KCNQ1: variants seen among roughly 807,000 people sequenced by gnomAD.
KCNQ1 encodes potassium voltage-gated channel subfamily KQT member 1.
KCNQ1 carries 49 observed loss-of-function variants against 72.4 expected under a neutral mutation model. The observed-to-expected ratio is 0.68, with a 90% CI of 0.54 to 0.86. KCNQ1 has a LOEUF of 0.86. Among genes scored for constraint, KCNQ1 ranks in the 40% least tolerant of loss-of-function variants. The pLI, the probability that KCNQ1 is intolerant of heterozygous loss-of-function variation, is 0.00. For missense variants in KCNQ1, 790 were observed against 945.1 expected, an observed-to-expected ratio of 0.84 and a Z score of 2.15; for synonymous variants, 450 against 412.6, an observed-to-expected ratio of 1.09 and a Z score of -1.10.
chr11:2,533,628 C>A (rs1326750094), intron 2 of KCNQ1, among the ~76,000 whole-genome samples: 1 of 152,240 alleles, frequency 6.6e-6, no homozygotes, highest in African/African-American at 2.4e-5. Context: ...TGTGTGTGTG[C>A]ACACGTGTGT....
intron 10 of KCNQ1, among the ~76,000 whole-genome samples, chr11:2,604,992 GGTT>G (rs1262427687): frequency 1.3e-5 from 2 of 152,310 alleles, no homozygotes; most frequent in East Asian, 3.9e-4. Flanking sequence ...CCATCTTAGT[GGTT>G]GTTAAGCAGT....
At position 2,627,131 on chromosome 11, in the gene KCNQ1, C is replaced by G; in HGVS notation, c.1394-34830C>G. ...TGTAATTTTCATTGTACAAGACTTT[C>G]ACCTCCTTGGTAAAGTTGGTTCCTA... On this transcript the variant is annotated intron_variant, in intron 10 of 15. Coordinates refer to ENST00000155840, the MANE Select transcript of KCNQ1 (RefSeq NM_000218.3). This position sits in a 1 kb window ranked among gnomAD's most constrained non-coding sequence, Gnocchi z 4.9. 1 of 398,474 alleles carries G rather than the reference C, an allele frequency of 2.5e-6. No individual in the cohort carries two copies. Among genetic ancestry groups the G allele is most frequent in the Non-Finnish European group, 4.4e-6 (1 of 226,032 alleles). The allele number at this position is 398,474 out of a possible 1,614,324, so 24.7% of individuals were successfully genotyped here. A position where few individuals can be genotyped will look rare whatever the true frequency, so the allele number is the denominator to read the frequency against.
intron 15 of KCNQ1, among the ~76,000 whole-genome samples, chr11:2,794,106 G>T (rs978666411): frequency 6.6e-6 from 1 of 152,228 alleles, no homozygotes; most frequent in African/African-American, 2.4e-5. Context: ...GGATCCAGGG[G>T]TGGCTCCGGC....
chr11:2,582,453 G>A (rs1222454081), intron 6 of KCNQ1, among the ~76,000 whole-genome samples: 1 of 152,244 alleles, frequency 6.6e-6, no homozygotes, highest in Non-Finnish European at 1.5e-5. Context: ...GAATCCAGTG[G>A]GGGTCTCCAT....
In KCNQ1 at chr11:2,599,468, T is replaced by G. The variant is rs1246961104; in HGVS notation, c.1393+10614T>G. Among the ~76,000 whole-genome samples the G allele has an allele frequency of 6.6e-6, 1 of 152,246 alleles. No homozygotes were observed. Among genetic ancestry groups the G allele is most frequent in the Admixed American group, 6.5e-5 (1 of 15,282 alleles). On this transcript the variant is annotated intron_variant, in intron 10 of 15. Coordinates refer to ENST00000155840, the MANE Select transcript of KCNQ1 (RefSeq NM_000218.3). This position sits in a 1 kb window ranked among gnomAD's most constrained non-coding sequence, Gnocchi z 4.7. ...GTTCTCTATCGCTTAAAATTCATTTTGTTCAAGAACATAGGTTCTTGAACC... is the reference window on the plus strand; with the variant it reads ...GTTCTCTATCGCTTAAAATTCATTTGGTTCAAGAACATAGGTTCTTGAACC...
intron 11 of KCNQ1, among the ~76,000 whole-genome samples, chr11:2,737,330 C>A (rs1238710368): frequency 6.6e-6 from 1 of 152,182 alleles, no homozygotes; most frequent in Non-Finnish European, 1.5e-5. Context: ...CACTGCCCAG[C>A]CACCTCTCTG....
At chr11:2,802,313 G>T (rs1019478140) in intron 15 of KCNQ1, among the ~76,000 whole-genome samples, 1 of 152,194 alleles carries the variant, frequency 6.6e-6, no homozygotes, top group Admixed American at 6.5e-5. Context: ...CGGCCCTGTC[G>T]CCAGCCGGCA....
At position 2,478,780 on chromosome 11, in the gene KCNQ1, C is replaced by A. The variant is rs892357352; in HGVS notation, c.386+33296C>A. Among the ~76,000 whole-genome samples, 1 of 152,172 alleles carries A rather than the reference C, an allele frequency of 6.6e-6. No homozygotes were observed. The highest frequency in any genetic ancestry group is 2.4e-5 in the African/African-American group (1 of 41,446). The stretch of plus-strand genomic sequence containing the variant: ...TCCCAACGGTGCCCCAAAGTCTTAA[C>A]TCATTTCAGCATTAACTCAAAAATC... On this transcript the variant is annotated intron_variant, in intron 1 of 15. Coordinates refer to ENST00000155840, the MANE Select transcript of KCNQ1 (RefSeq NM_000218.3). The surrounding 1 kb of genome is among the most constrained non-coding windows in gnomAD (Gnocchi z 4.0).
At position 2,695,516 on chromosome 11, in the gene KCNQ1, A is replaced by G. The variant is rs1850658895; in HGVS notation, c.1514+33435A>G. Reference sequence around the variant, plus strand: ...CATCTAGTCCCCTGCTCCTAACCACAGTGACCAGCTCCAACTGCCCACCCC... The same window carrying G: ...CATCTAGTCCCCTGCTCCTAACCACGGTGACCAGCTCCAACTGCCCACCCC... On this transcript the variant is annotated intron_variant, in intron 11 of 15. Coordinates refer to ENST00000155840, the MANE Select transcript of KCNQ1 (RefSeq NM_000218.3). This position sits in a 1 kb window ranked among gnomAD's most constrained non-coding sequence, Gnocchi z 5.2. 2.5e-6 allele frequency: 1 copy of G among 398,502 alleles called. No homozygotes were observed. The highest frequency in any genetic ancestry group is 4.4e-6 in the Non-Finnish European group (1 of 226,112). 24.7% of individuals were successfully genotyped at this position (398,502 alleles called of 1,614,324 possible). A position where few individuals can be genotyped will look rare whatever the true frequency, so the allele number is the denominator to read the frequency against.
Position 2,563,934 on chromosome 11 carries a change from A to G in KCNQ1, c.478-6694A>G, listed in dbSNP as rs1398232568. ...GATTAAGAACTAAAGGCTCAAGGAC[A>G]GCTACAGATGACCACAGCTGGAGTG... is the stretch of plus-strand genomic sequence containing the variant. On this transcript the variant is annotated intron_variant, in intron 2 of 15. Coordinates refer to ENST00000155840, the MANE Select transcript of KCNQ1 (RefSeq NM_000218.3). The surrounding 1 kb of genome is among the most constrained non-coding windows in gnomAD (Gnocchi z 7.4). 6.6e-6 allele frequency among the ~76,000 whole-genome samples: 1 copy of G among 152,268 alleles called. No individual in the cohort carries two copies. The highest frequency in any genetic ancestry group is 6.5e-5 in the Admixed American group (1 of 15,288).
In KCNQ1 at chr11:2,623,046, G is replaced by C; in HGVS notation, c.1393+34192G>C. On this transcript the variant is annotated intron_variant, in intron 10 of 15. Coordinates refer to ENST00000155840, the MANE Select transcript of KCNQ1 (RefSeq NM_000218.3). This position sits in a 1 kb window ranked among gnomAD's most constrained non-coding sequence, Gnocchi z 5.2. ...TGTCAGGGGAGGGGCCTGGTGGGGGGCAAACTTCCCCCTTGCTGTTCTCAT... is the reference window on the plus strand; with the variant it reads ...TGTCAGGGGAGGGGCCTGGTGGGGGCCAAACTTCCCCCTTGCTGTTCTCAT... 2.5e-6 allele frequency: 1 copy of C among 398,632 alleles called. No homozygotes were observed. The highest frequency in any genetic ancestry group is 4.4e-6 in the Non-Finnish European group (1 of 226,126). The allele number at this position is 398,632 out of a possible 1,614,324, so 24.7% of individuals were successfully genotyped here.
In KCNQ1 at chr11:2,498,441, G is replaced by A. The variant is rs1284585624; in HGVS notation, c.387-29487G>A. ...GCCTCAGCTGCTTTGCTGTGCTTTG[G>A]TGAATTCTGCCCAGTCCAAGCCTCC... is the stretch of plus-strand genomic sequence containing the variant. On this transcript the variant is annotated intron_variant, in intron 1 of 15. Transcript: ENST00000155840. The surrounding 1 kb of genome is among the most constrained non-coding windows in gnomAD (Gnocchi z 4.8). 2.6e-5 allele frequency among the ~76,000 whole-genome samples: 4 copies of A among 152,200 alleles called. No individual in the cohort carries two copies. The highest frequency in any genetic ancestry group is 9.6e-5 in the African/African-American group (4 of 41,458).
rs1279921164 is a variant in KCNQ1, at chr11:2,486,394, T to A, written c.386+40910T>A. Among the ~76,000 whole-genome samples, 1 of 152,258 alleles carries A rather than the reference T, an allele frequency of 6.6e-6. No homozygotes were observed. ...AGAACTTCTCTATATATTCTGGATA[T>A]TAATCCCTTATCAGATATAGGATTT... On this transcript the variant is annotated intron_variant, in intron 1 of 15. Coordinates refer to ENST00000155840, the MANE Select transcript of KCNQ1 (RefSeq NM_000218.3). The surrounding 1 kb of genome is among the most constrained non-coding windows in gnomAD (Gnocchi z 5.0).
chr11:2,614,343 T>G, intron 10 of KCNQ1: 1 of 398,572 alleles, frequency 2.5e-6, no homozygotes, highest in Non-Finnish European at 4.4e-6. Flanking sequence ...TTTAGTCTTC[T>G]GTGCACCCTT....
intron 15 of KCNQ1, among the ~76,000 whole-genome samples, chr11:2,814,125 G>A (rs924813709): frequency 9.9e-5 from 15 of 151,210 alleles, no homozygotes; most frequent in Non-Finnish European, 1.8e-4. Context: ...ATAAAGGGAT[G>A]GGTGGATAAT....
At chr11:2,727,042 T>C (rs952291745) in intron 11 of KCNQ1, among the ~76,000 whole-genome samples, 1 of 152,228 alleles carries the variant, frequency 6.6e-6, no homozygotes, top group African/African-American at 2.4e-5. Context: ...TGGGGGTTTG[T>C]GCTATGCCCT....
intron 10 of KCNQ1, chr11:2,616,223 G>GT (rs138326980): frequency 0.02 from 7,566 of 384,840 alleles, 207 homozygotes; most frequent in East Asian, 0.11. Context: ...TCTTATTTTT[G>GT]TTTTTTTTTG....
chr11:2,518,909 C>G (rs1296459467), intron 1 of KCNQ1, among the ~76,000 whole-genome samples: 2 of 152,220 alleles, frequency 1.3e-5, no homozygotes, highest in African/African-American at 4.8e-5. Flanking sequence ...GGGGAGGCGT[C>G]CATTCACCCG....
At position 2,674,109 on chromosome 11, in the gene KCNQ1, G is replaced by A. The variant is rs1850242499; in HGVS notation, c.1514+12028G>A. On this transcript the variant is annotated intron_variant, in intron 11 of 15. Transcript: ENST00000155840. This position sits in a 1 kb window ranked among gnomAD's most constrained non-coding sequence, Gnocchi z 5.9. Reference sequence around the variant, plus strand: ...TCTCCCTGCCGGTGGGGAGGGAGGTGTGGAAGCTGGTTTGCCGGGGCCACC... The same window carrying A: ...TCTCCCTGCCGGTGGGGAGGGAGGTATGGAAGCTGGTTTGCCGGGGCCACC... 1.0e-5 allele frequency: 4 copies of A among 398,692 alleles called. No homozygotes were observed. The highest frequency in any genetic ancestry group is 6.3e-4 in the Middle Eastern group (1 of 1,592). 24.7% of individuals were successfully genotyped at this position (398,692 alleles called of 1,614,324 possible).
Sources: allele counts gnomAD v4.1 joint callset (sites outside exome capture counted in the v4.1 genomes callset), GRCh38; gene constraint gnomAD v4.1.1; non-coding constraint Gnocchi (gnomAD v3.1); transcripts MANE v1.5; gene names NCBI Gene and HGNC (gene_info 2026-07-23, HGNC 2026-07-21).